The following ASTN1 variants were observed in gnomAD, a reference collection of about 807,000 sequenced individuals.
ASTN1 encodes astrotactin 1.
Under a neutral mutation model 140.7 loss-of-function variants are expected in ASTN1, and 41 were observed. The ratio of observed to expected loss-of-function variants is 0.29; its 90% CI spans 0.23 to 0.38. The LOEUF (loss-of-function observed/expected upper bound fraction) is 0.38, where lower values mean the gene tolerates loss of function less well. Ranked by LOEUF, ASTN1 falls within the 10% of genes least tolerant of loss-of-function variation. The pLI is 1.00. For synonymous variants in ASTN1, 640 were observed against 652.2 expected, an observed-to-expected ratio of 0.98 and a Z score of 0.29; for missense variants, 1,479 against 1,678.8, an observed-to-expected ratio of 0.88 and a Z score of 2.08.
rs777653388 is a variant in ASTN1, at chr1:176,864,496, G to T, written c.3673C>A (p.Leu1225Ile). ...TTGCACCAACTGCTGAGGTCCCCAA[G>T]CTGGGAAAGGATGAGACCAGCTTTC... ...PRKAGLILSQ[L>I]GDLSSWCNGL... Residue 1225 changes from leucine (L) to isoleucine (I), a missense_variant, in exon 23 of 23, where the codon CTT becomes ATT. Leu to Ile is a conservative substitution (Grantham distance 5, BLOSUM62 2). Around this residue, in one of 3 missense-constraint regions of ASTN1, gnomAD observed 746 missense variants for 800.9 expected, o/e 0.93. Coordinates refer to ENST00000361833, the MANE Select transcript of ASTN1 (RefSeq NM_004319.3). The T allele has an allele frequency of 6.2e-7, 1 of 1,614,086 alleles. No individual in the cohort carries two copies.
At chr1:176,857,555 T>C, downstream of ASTN1, 1 of 513,954 alleles carries the variant, frequency 1.9e-6, no homozygotes, top group Non-Finnish European at 3.5e-6. Context: ...GGAGATGCCA[T>C]CTGAGGCAGG....
intron 8 of ASTN1, among the ~76,000 whole-genome samples, chr1:176,973,457 G>A (rs1673230088): frequency 6.6e-6 from 1 of 152,070 alleles, no homozygotes; most frequent in Admixed American, 6.6e-5. Flanking sequence ...ATGACCCTGT[G>A]GCTCCATTTC....
intron 20 of ASTN1, among the ~76,000 whole-genome samples, chr1:176,881,192 T>G (rs1189214671): frequency 6.6e-6 from 1 of 152,186 alleles, no homozygotes; most frequent in Non-Finnish European, 1.5e-5. Context: ...TGGTGGAGAT[T>G]TGCTGTTTCT....
intron 1 of ASTN1, among the ~76,000 whole-genome samples, chr1:177,082,448 C>T (rs1679226053): frequency 6.6e-6 from 1 of 152,116 alleles, no homozygotes. Context: ...CTTTCTTCCA[C>T]CTTTGTTATT....
chr1:176,877,157 G>C (rs1016632104), intron 20 of ASTN1, among the ~76,000 whole-genome samples: 4 of 152,208 alleles, frequency 2.6e-5, no homozygotes, highest in Admixed American at 2.6e-4. Context: ...CTGTGAAATG[G>C]AGATGATAAT....
At chr1:177,110,324 A>C (rs1218726018) in intron 1 of ASTN1, among the ~76,000 whole-genome samples, 2 of 152,260 alleles carry the variant, frequency 1.3e-5, no homozygotes, top group Non-Finnish European at 2.9e-5. Flanking sequence ...TAAGTGTAAA[A>C]ATAAGTAACA....
intron 1 of ASTN1, among the ~76,000 whole-genome samples, chr1:177,135,466 C>G (rs1032477139): frequency 5.9e-5 from 9 of 152,124 alleles, no homozygotes; most frequent in African/African-American, 2.2e-4. Flanking sequence ...ATCCAAATGA[C>G]AGAGGCATGG....
intron 8 of ASTN1, among the ~76,000 whole-genome samples, chr1:176,967,436 A>G (rs1251939459): frequency 6.6e-6 from 1 of 152,224 alleles, no homozygotes; most frequent in Non-Finnish European, 1.5e-5. Context: ...GGCAGTAAAA[A>G]AAGAGGGACG....
chr1:176,861,751 A>G lies in ASTN1; in HGVS notation c.*2533T>C. ...GAACTCAACGAGAAACAGGAGGAAG[A>G]AAGTCTTGGGGAAAGAGGAGGCCAA... is the stretch of plus-strand genomic sequence containing the variant. On this transcript the variant is annotated 3_prime_UTR_variant, in exon 23 of 23. Transcript: ENST00000361833. 1 of 985,524 alleles carries G rather than the reference A, an allele frequency of 1.0e-6. No homozygotes were observed. Among genetic ancestry groups the G allele is most frequent in the Non-Finnish European group, 1.2e-6 (1 of 830,022 alleles). 61.0% of individuals were successfully genotyped at this position (985,524 alleles called of 1,614,324 possible).
chr1:177,076,032 C>G (rs1301618186), intron 1 of ASTN1, among the ~76,000 whole-genome samples: 1 of 152,012 alleles, frequency 6.6e-6, no homozygotes, highest in African/African-American at 2.4e-5. Flanking sequence ...GTAATCCCAG[C>G]ACTTTGGGAG....
chr1:177,095,121 T>A (rs975288646), intron 1 of ASTN1, among the ~76,000 whole-genome samples: 1 of 152,204 alleles, frequency 6.6e-6, no homozygotes, highest in Non-Finnish European at 1.5e-5. Flanking sequence ...AAGGAAAGTA[T>A]TGAAGGTGTG....
At chr1:177,093,698 T>C (rs1424396975) in intron 1 of ASTN1, among the ~76,000 whole-genome samples, 2 of 152,158 alleles carry the variant, frequency 1.3e-5, no homozygotes, top group East Asian at 3.9e-4. Context: ...GAACAGGGCC[T>C]GGGTGAGTTG....
chr1:176,923,907 C>T (rs1490569452), intron 16 of ASTN1, among the ~76,000 whole-genome samples: 2 of 152,150 alleles, frequency 1.3e-5, no homozygotes, highest in Admixed American at 6.5e-5. Flanking sequence ...TATCCTTTAT[C>T]TTGTGATTTT....
intron 17 of ASTN1, among the ~76,000 whole-genome samples, chr1:176,890,844 G>A (rs956149482): frequency 1.3e-5 from 2 of 151,996 alleles, no homozygotes; most frequent in Non-Finnish European, 2.9e-5. Context: ...TGGCCAATGT[G>A]GCAAAACCTC....
At chr1:176,898,010 G>A (rs1480604929) in intron 16 of ASTN1, among the ~76,000 whole-genome samples, 1 of 152,138 alleles carries the variant, frequency 6.6e-6, no homozygotes, top group Non-Finnish European at 1.5e-5. Flanking sequence ...CTGAGGGTCC[G>A]AGGGCCTTCC....
At chr1:177,152,373 T>C (rs1683076643) in intron 1 of ASTN1, among the ~76,000 whole-genome samples, 2 of 151,992 alleles carry the variant, frequency 1.3e-5, no homozygotes, top group African/African-American at 4.8e-5. Context: ...CAACCAAAGG[T>C]AGTCAATTAA....
chr1:176,975,357 G>T (rs922707134), intron 8 of ASTN1, among the ~76,000 whole-genome samples: 1 of 152,246 alleles, frequency 6.6e-6, no homozygotes. Context: ...CTAGTAAGGG[G>T]CAGAGGGGAG....
chr1:176,954,556 T>C (rs929974981), intron 11 of ASTN1, among the ~76,000 whole-genome samples: 6 of 152,212 alleles, frequency 3.9e-5, no homozygotes, highest in Admixed American at 2.0e-4. Context: ...TTATAGCCAC[T>C]ACATCTGTGG....
chr1:177,057,812 T>C (rs769944474), intron 2 of ASTN1, among the ~76,000 whole-genome samples: 2 of 152,206 alleles, frequency 1.3e-5, no homozygotes, highest in Non-Finnish European at 2.9e-5. Context: ...TCAATATTGT[T>C]ACAAATCAAA....
Sources: allele counts gnomAD v4.1 joint callset (sites outside exome capture counted in the v4.1 genomes callset), GRCh38; gene constraint gnomAD v4.1.1; regional missense constraint gnomAD v4.1.1; transcripts MANE v1.5; gene names NCBI Gene and HGNC (gene_info 2026-07-23, HGNC 2026-07-21).